Variants in KCND1 observed in about 807,000 individuals in gnomAD.
KCND1 encodes A-type voltage-gated potassium channel KCND1.
In KCND1, 11 loss-of-function variants were observed where a neutral mutation model predicts 31.8. That is an observed-to-expected ratio of 0.35 (90% CI 0.22 to 0.57). The LOEUF is 0.57. KCND1 is among the 20% of genes least tolerant of loss of function. KCND1 has a pLI of 0.85. For missense variants in KCND1, 471 were observed against 596.8 expected, an observed-to-expected ratio of 0.79 and a Z score of 2.20; for synonymous variants, 234 against 248.1, an observed-to-expected ratio of 0.94 and a Z score of 0.53.
chrX:48,967,099 C>G lies in KCND1; in HGVS notation c.1129G>C (p.Asp377His). 1 of 1,209,991 alleles carries G rather than the reference C, an allele frequency of 8.3e-7. No individual in the cohort carries two copies. Residue 377 changes from aspartate to histidine, a missense_variant, in exon 2 of 6, where the codon GAC becomes CAC. By Grantham distance (81) the Asp-to-His change is moderately conservative. Coordinates refer to ENST00000218176, the MANE Select transcript of KCND1 (RefSeq NM_004979.6). The part of the protein sequence containing the change: ...IVTMTTLGYG[D>H]MVPSTIAGKI... Reference sequence around the variant, plus strand: ...CCAGCAATGGTGCTGGGCACCATGTCTCCGTAGCTGGAGCGAGGGGAGGTA... The same window carrying G: ...CCAGCAATGGTGCTGGGCACCATGTGTCCGTAGCTGGAGCGAGGGGAGGTA...
In KCND1 at chrX:48,962,293, C is replaced by T. The variant is rs782684275; in HGVS notation, c.*288G>A. ...AGGGGAGGAGCATGCAGGAGTCCAG[C>T]TGGGAGAGTGGGGCCAGTCCCAGTG... On this transcript the variant is annotated 3_prime_UTR_variant, in exon 6 of 6. Transcript: ENST00000218176. 3.4e-5 allele frequency: 10 copies of T among 290,494 alleles called. No individual in the cohort carries two copies. The highest frequency in any genetic ancestry group is 5.4e-5 in the African/African-American group (2 of 37,165). 23.9% of individuals were successfully genotyped at this position (290,494 alleles called of 1,213,427 possible).
rs2064318709 is a variant in KCND1, at chrX:48,961,399, T to G, written c.*1182A>C. The G allele has an allele frequency of 8.9e-6, 1 of 112,122 alleles. No individual in the cohort carries two copies. The highest frequency in any genetic ancestry group is 1.9e-5 in the Non-Finnish European group (1 of 53,211). The allele number at this position is 112,122 out of a possible 1,213,427, so 9.2% of individuals were successfully genotyped here. On this transcript the variant is annotated 3_prime_UTR_variant, in exon 6 of 6. Transcript: ENST00000218176. ...CAGTCCTCATCTCTCCTCTCAGGTT[T>G]TATTGACTGATGGAAACTACATCTT...
rs2064327445 is a variant in KCND1 at position 48,962,600 on chromosome X, A to C, written c.1925T>G (p.Val642Gly). 7 of 1,203,756 alleles carry C rather than the reference A, an allele frequency of 5.8e-6. No homozygotes were observed. Among genetic ancestry groups the C allele is most frequent in the African/African-American group, 1.8e-5 (1 of 56,772 alleles). The change falls in exon 6 of 6, where the codon GTC (valine) becomes GGC (glycine). Residue 642 changes from valine (V) to glycine (G), a missense_variant. Around this residue, in one of 3 missense-constraint regions of KCND1, gnomAD observed 185 missense variants for 184.7 expected, o/e 1.00. Coordinates refer to ENST00000218176, the MANE Select transcript of KCND1 (RefSeq NM_004979.6). ...TACCCCTCACAGGGATGAGATCTTGACAGTCTCGGGGAAGAGGCAAGGGGT... is the reference window on the plus strand; with the variant it reads ...TACCCCTCACAGGGATGAGATCTTGCCAGTCTCGGGGAAGAGGCAAGGGGT... ...LGTPCLFPET[V>G]KISSL is the part of the protein sequence containing the mutation.
intron 5 of KCND1, among the ~76,000 whole-genome samples, chrX:48,965,140 C>A (rs1324500796): frequency 9.4e-6 from 1 of 106,039 alleles, no homozygotes; most frequent in Non-Finnish European, 2.0e-5. Context: ...GGAACCTCCA[C>A]CTCCCGGGTT....
At chrX:48,966,426 A>T in intron 4 of KCND1, 121 bp from the exon 5 acceptor site, 1 of 1,042,072 alleles carries the variant, frequency 9.6e-7, no homozygotes, top group African/African-American at 1.9e-5. Flanking sequence ...TCCCTTGCCC[A>T]TTCTTCAAGG....
At chrX:48,967,391 G>A (rs2064360233) in intron 1 of KCND1, 1 of 313,690 alleles carries the variant, frequency 3.2e-6, no homozygotes, top group African/African-American at 2.7e-5. Flanking sequence ...GGAAGTCACA[G>A]GCAGTGAACA....
At position 48,966,970 on chromosome X, in the gene KCND1, G is replaced by A. The variant is rs35644601; in HGVS notation, c.1258C>T (p.Arg420Trp). Residue 420 changes from arginine (R) to tryptophan (W), a missense_variant, in exon 2 of 6, where the codon CGG becomes TGG. Arg to Trp is a moderately radical substitution (Grantham distance 101, BLOSUM62 -3). Transcript: ENST00000218176. ...NFSRIYHQNQ[R>W]ADKRRAQQKV... is the part of the protein sequence containing the mutation. ...TGCTGTGCTCGGCGCTTGTCAGCCC[G>A]CTGGTTCTGGTGGTAGATGCGGCTA... 194 of 1,207,624 alleles carry A rather than the reference G, an allele frequency of 1.6e-4. No homozygotes were observed. Among genetic ancestry groups the A allele is most frequent in the Non-Finnish European group, 2.1e-4 (184 of 894,510 alleles).
chrX:48,970,058 C>T lies in KCND1; in HGVS notation c.214G>A (p.Glu72Lys), dbSNP rs868988239. The T allele has an allele frequency of 1.3e-5, 16 of 1,208,681 alleles. No homozygotes were observed. The African/African-American group carries it at 1.7e-4, about 13-fold the overall frequency. Residue 72 changes from glutamate to lysine, a missense_variant, in exon 1 of 6, where the codon GAA becomes AAA. By Grantham distance (56) the Glu-to-Lys change is moderately conservative. This residue lies in a region of KCND1 where 212 missense variants were observed against 257.9 expected (regional missense o/e 0.82). Coordinates refer to ENST00000218176, the MANE Select transcript of KCND1 (RefSeq NM_004979.6). ...CCTGAGTCAGCATCGTAGAAGAATT[C>T]CTTCTCCGAGCTGCCCAGCAAGGTG... ...PDTLLGSSEK[E>K]FFYDADSGEY...
At position 48,962,662 on chromosome X, in the gene KCND1, G is replaced by T. The variant is rs1557057293; in HGVS notation, c.1863C>A (p.Gly621=). ...ESQPSSPGGG[G]RAGSTLRNSS... Reference sequence around the variant, plus strand: ...AGTTCCTGAGGGTGCTGCCGGCCCTGCCACCGCCGCCAGGGGAGGAAGGTT... The same window carrying T: ...AGTTCCTGAGGGTGCTGCCGGCCCTTCCACCGCCGCCAGGGGAGGAAGGTT... Residue 621 remains glycine (G), a synonymous_variant, in exon 6 of 6, where the codon GGC becomes GGA. Transcript: ENST00000218176. The T allele has an allele frequency of 8.3e-7, 1 of 1,209,734 alleles. No homozygotes were observed. Among genetic ancestry groups the T allele is most frequent in the South Asian group, 1.8e-5 (1 of 56,629 alleles).
chrX:48,963,437 ACT>A (rs2064334784), intron 5 of KCND1, among the ~76,000 whole-genome samples: 1 of 103,829 alleles, frequency 9.6e-6, no homozygotes, highest in Non-Finnish European at 2.0e-5. Flanking sequence ...ACAGAGTGAG[ACT>A]CTGTCTCAAA....
At chrX:48,965,999 C>T (rs2064350064) in intron 5 of KCND1, 56 bp downstream of exon 5, 1 of 1,155,262 alleles carries the variant, frequency 8.7e-7, no homozygotes, top group Admixed American at 2.4e-5. Flanking sequence ...CTCAGAGCTA[C>T]TGGTCTAAGC....
At chrX:48,963,645 C>T (rs1464083078) in intron 5 of KCND1, among the ~76,000 whole-genome samples, 2 of 110,991 alleles carry the variant, frequency 1.8e-5, no homozygotes, top group Non-Finnish European at 3.8e-5. Context: ...CCTCTCTCTT[C>T]TCTCATCTGT....
intron 5 of KCND1, among the ~76,000 whole-genome samples, chrX:48,963,876 C>A (rs1470377242): frequency 1.8e-5 from 2 of 111,982 alleles, no homozygotes; most frequent in Non-Finnish European, 3.8e-5. Context: ...TTGCCTCTTA[C>A]CAGTCTCCCC....
intron 5 of KCND1, among the ~76,000 whole-genome samples, chrX:48,965,025 A>AC (rs2064345639): frequency 9.4e-6 from 1 of 106,730 alleles, no homozygotes; most frequent in Non-Finnish European, 1.9e-5. Context: ...AAAAAAAAAA[A>AC]AAAACTGCAT....
Position 48,971,549 on chromosome X carries a change from G to A in KCND1, c.-1278C>T. 2 of 115,394 alleles carry A rather than the reference G, an allele frequency of 1.7e-5. No homozygotes were observed. The highest frequency in any genetic ancestry group is 3.7e-5 in the Non-Finnish European group (2 of 54,769). The allele number at this position is 115,394 out of a possible 1,213,427, so 9.5% of individuals were successfully genotyped here. A position where few individuals can be genotyped will look rare whatever the true frequency, so the allele number is the denominator to read the frequency against. On this transcript the variant is annotated 5_prime_UTR_variant, in exon 1 of 6. Coordinates refer to ENST00000218176, the MANE Select transcript of KCND1 (RefSeq NM_004979.6). The stretch of plus-strand genomic sequence containing the variant: ...GGAGGAAGAGAAGCAACCACAGCCA[G>A]GCATAGGAGAGAAGGTGGCATAGGC...
chrX:48,964,409 T>TGGGAGGCTA lies in KCND1; in HGVS notation c.1719-1612_1719-1604dup, dbSNP rs2064339362. On this transcript the variant is annotated intron_variant, in intron 5 of 5. Coordinates refer to ENST00000218176, the MANE Select transcript of KCND1 (RefSeq NM_004979.6). Reference sequence around the variant, plus strand: ...GCGCGCACCTGTAGTCTCAGCTACTTGGGAGGCTAAGGCAGAGAATTGCTT... The same window carrying TGGGAGGCTA: ...GCGCGCACCTGTAGTCTCAGCTACTTGGGAGGCTAGGGAGGCTAAGGCAGAGAATTGCTT... Among the ~76,000 whole-genome samples the TGGGAGGCTA allele has an allele frequency of 8.1e-5, 9 of 111,018 alleles. 1 individual carries two copies. The South Asian group carries it at 3.4e-3, about 42-fold the overall frequency.
rs782802983 is a variant in KCND1, at chrX:48,970,251, C to T, written c.21G>A (p.Thr7=). The change falls in exon 1 of 6, where the codon ACG becomes ACA. Residue 7 remains threonine (T), a synonymous_variant. Coordinates refer to ENST00000218176, the MANE Select transcript of KCND1 (RefSeq NM_004979.6). ...CTGCTGCCCGAGCAAAAGGCAGCCACGTGGCCAGGCCTGCCGCCATCGTGC... is the reference window on the plus strand; with the variant it reads ...CTGCTGCCCGAGCAAAAGGCAGCCATGTGGCCAGGCCTGCCGCCATCGTGC... MAAGLA[T]WLPFARAAAV... 1.6e-5 allele frequency: 19 copies of T among 1,201,706 alleles called. No homozygotes were observed. The highest frequency in any genetic ancestry group is 3.0e-5 in the East Asian group (1 of 33,552).
At chrX:48,965,731 C>T (rs1409319878) in intron 5 of KCND1, among the ~76,000 whole-genome samples, 4 of 111,032 alleles carry the variant, frequency 3.6e-5, no homozygotes, top group African/African-American at 1.3e-4. Flanking sequence ...CAACAATTAG[C>T]TGGGCGTGGT....
rs1557058808 is a variant in KCND1, at chrX:48,970,390, G to C, written c.-119C>G. On this transcript the variant is annotated 5_prime_UTR_variant, in exon 1 of 6. Transcript: ENST00000218176. ...AGCCACCCAAACAAGGAAACTGGGGGTGTCTAGAGAGGCCAAGAGGAACCA... is the reference window on the plus strand; with the variant it reads ...AGCCACCCAAACAAGGAAACTGGGGCTGTCTAGAGAGGCCAAGAGGAACCA... The C allele has an allele frequency of 5.9e-6, 4 of 674,830 alleles. No homozygotes were observed. The South Asian group carries it at 9.0e-5, about 15-fold the overall frequency. The allele number at this position is 674,830 out of a possible 1,213,427, so 55.6% of individuals were successfully genotyped here.
Sources: allele counts gnomAD v4.1 joint callset (sites outside exome capture counted in the v4.1 genomes callset), GRCh38; gene constraint gnomAD v4.1.1; regional missense constraint gnomAD v4.1.1; transcripts MANE v1.5; gene names NCBI Gene and HGNC (gene_info 2026-07-23, HGNC 2026-07-21).